SLC7A14: variants seen among roughly 807,000 people sequenced by gnomAD.
SLC7A14 encodes the protein gamma-aminobutyric acid transporter SLC7A14.
In SLC7A14, 37 loss-of-function variants were observed where a neutral mutation model predicts 60.2. The ratio of observed to expected loss-of-function variants is 0.61; its 90% CI spans 0.47 to 0.81. SLC7A14 has a LOEUF of 0.81. Among genes scored for constraint, SLC7A14 ranks in the 30% least tolerant of loss-of-function variants. The pLI is 0.00. For synonymous variants in SLC7A14, 399 were observed against 395.8 expected (o/e 1.01, Z -0.10); for missense variants, 886 against 982.7 (o/e 0.90, Z 1.32).
intron 3 of SLC7A14, among the ~76,000 whole-genome samples, chr3:170,499,725 G>A (rs1467012173): frequency 6.6e-6 from 1 of 152,158 alleles, no homozygotes; most frequent in Non-Finnish European, 1.5e-5. Context: ...CTGCCTGCTT[G>A]GTTTTGCCCA....
At chr3:170,504,341 G>A (rs1712703779) in intron 2 of SLC7A14, among the ~76,000 whole-genome samples, 2 of 151,764 alleles carry the variant, frequency 1.3e-5, no homozygotes, top group African/African-American at 4.8e-5. Flanking sequence ...AATTTTTTTA[G>A]ATGGAGTTTC....
chr3:170,572,801 A>T (rs1023776521), intron 1 of SLC7A14, among the ~76,000 whole-genome samples: 2 of 152,208 alleles, frequency 1.3e-5, no homozygotes, highest in Non-Finnish European at 2.9e-5. Context: ...CTGCATTGTG[A>T]TGCTGGAATA....
intron 7 of SLC7A14, among the ~76,000 whole-genome samples, chr3:170,479,827 C>T (rs919258186): frequency 9.2e-5 from 14 of 152,232 alleles, no homozygotes; most frequent in African/African-American, 3.1e-4. Flanking sequence ...ACTTAATTCA[C>T]ACCTTGTTCA....
At chr3:170,523,528 A>G (rs2108292085) in intron 2 of SLC7A14, among the ~76,000 whole-genome samples, 1 of 152,170 alleles carries the variant, frequency 6.6e-6, no homozygotes, top group African/African-American at 2.4e-5. Flanking sequence ...CTTTGAAAAC[A>G]CTCTTAACCC....
In SLC7A14 at chr3:170,464,827, C is replaced by T. The variant is rs780152344; in HGVS notation, c.*2228G>A. 6.6e-6 allele frequency: 1 copy of T among 152,180 alleles called. No homozygotes were observed. Among genetic ancestry groups the T allele is most frequent in the Non-Finnish European group, 1.5e-5 (1 of 68,034 alleles). The allele number at this position is 152,180 out of a possible 1,614,324, so 9.4% of individuals were successfully genotyped here. A position where few individuals can be genotyped will look rare whatever the true frequency, so the allele number is the denominator to read the frequency against. On this transcript the variant is annotated 3_prime_UTR_variant, in exon 8 of 8. Transcript: ENST00000231706. ...TAGTAAAAGGAAGCTCTTTCACCCA[C>T]GTTAAGATTTTGCCATTTTGCACTC...
At position 170,585,338 on chromosome 3, in the gene SLC7A14, G is replaced by T. The variant is rs973628647; in HGVS notation, c.-153+573C>A. Among the ~76,000 whole-genome samples, 1 of 152,184 alleles carries T rather than the reference G, an allele frequency of 6.6e-6. No homozygotes were observed. The highest frequency in any genetic ancestry group is 6.5e-5 in the Admixed American group (1 of 15,288). ...ACGCCCCTCGGGGCGCCACCATCCT[G>T]GTCGGGGTGCTGGGCTCGGCGGGAG... On this transcript the variant is annotated intron_variant, in intron 1 of 7. Transcript: ENST00000231706. The surrounding 1 kb of genome is among the most constrained non-coding windows in gnomAD (Gnocchi z 5.1).
At chr3:170,558,021 C>G (rs1364199581) in intron 1 of SLC7A14, among the ~76,000 whole-genome samples, 1 of 152,108 alleles carries the variant, frequency 6.6e-6, no homozygotes, top group Non-Finnish European at 1.5e-5. Context: ...AAAAGTCTGT[C>G]TGGTATACAG....
At chr3:170,557,840 G>A (rs1714531000) in intron 1 of SLC7A14, among the ~76,000 whole-genome samples, 1 of 152,186 alleles carries the variant, frequency 6.6e-6, no homozygotes, top group African/African-American at 2.4e-5. Flanking sequence ...GAGAGGCAAG[G>A]AACCCTGAAT....
intron 1 of SLC7A14, among the ~76,000 whole-genome samples, chr3:170,572,078 A>G (rs185848046): frequency 1.9e-4 from 29 of 149,828 alleles, no homozygotes; most frequent in East Asian, 3.9e-4. Context: ...AAAAAAAAAA[A>G]AAAGAAAGAA....
intron 2 of SLC7A14, among the ~76,000 whole-genome samples, chr3:170,515,040 C>T (rs560699247): frequency 3.2e-4 from 49 of 152,064 alleles, no homozygotes; most frequent in African/African-American, 6.5e-4. Flanking sequence ...GGGCTAAGCA[C>T]GGTGGCTCAT....
At chr3:170,559,952 G>A (rs1560280631) in intron 1 of SLC7A14, among the ~76,000 whole-genome samples, 1 of 152,224 alleles carries the variant, frequency 6.6e-6, no homozygotes, top group Non-Finnish European at 1.5e-5. Context: ...GAAGGACACA[G>A]CATTGCTGAA....
intron 7 of SLC7A14, among the ~76,000 whole-genome samples, chr3:170,470,258 G>A (rs1739851390): frequency 6.6e-6 from 1 of 151,164 alleles, no homozygotes; most frequent in South Asian, 2.1e-4. Flanking sequence ...GTAAACATGT[G>A]ATAAGAGGTT....
intron 4 of SLC7A14, among the ~76,000 whole-genome samples, chr3:170,497,920 A>G (rs73882022): frequency 0.033 from 4,988 of 152,330 alleles, 275 homozygotes; most frequent in African/African-American, 0.11. Context: ...AGACCACACC[A>G]GGTAAACCTG....
chr3:170,540,065 G>T (rs1052833881), intron 1 of SLC7A14, among the ~76,000 whole-genome samples: 4 of 152,098 alleles, frequency 2.6e-5, no homozygotes, highest in African/African-American at 9.7e-5. Flanking sequence ...CGGGGTGGGG[G>T]GTAGTACAGA....
chr3:170,513,627 A>G (rs1713056307), intron 2 of SLC7A14, among the ~76,000 whole-genome samples: 1 of 152,248 alleles, frequency 6.6e-6, no homozygotes. Flanking sequence ...TAAAATGTCT[A>G]TGTTGCATGT....
intron 2 of SLC7A14, among the ~76,000 whole-genome samples, chr3:170,513,008 G>A (rs1488360631): frequency 2.0e-5 from 3 of 152,128 alleles, no homozygotes; most frequent in Non-Finnish European, 2.9e-5. Flanking sequence ...TGACAAAGAT[G>A]GGGGTTATGG....
chr3:170,568,687 G>A (rs1462868543), intron 1 of SLC7A14, among the ~76,000 whole-genome samples: 1 of 152,094 alleles, frequency 6.6e-6, no homozygotes, highest in East Asian at 1.9e-4. Context: ...TTATTTCATT[G>A]AGCAGTGGTT....
In SLC7A14 at chr3:170,556,091, ACTAAAATATGGTTTAC is replaced by A. The variant is rs562094536; in HGVS notation, c.-152-29019_-152-29004del. 3.0e-3 allele frequency among the ~76,000 whole-genome samples: 455 copies of A among 152,332 alleles called. 3 individuals carry two copies. Among genetic ancestry groups the A allele is most frequent in the African/African-American group, 0.011 (437 of 41,576 alleles). ...TGGGTGTACCACAAATGTTGGTTGT[ACTAAAATATGGTTTAC>A]CTCCCTGGGCTTCAGTTTCTTCTTT... On this transcript the variant is annotated intron_variant, in intron 1 of 7. Transcript: ENST00000231706.
chr3:170,483,428 G>T lies in SLC7A14; in HGVS notation c.1001C>A (p.Ala334Asp), dbSNP rs1373986464. The T allele has an allele frequency of 6.2e-7, 1 of 1,614,198 alleles. No individual in the cohort carries two copies. Among genetic ancestry groups the T allele is most frequent in the East Asian group, 2.2e-5 (1 of 44,882 alleles). The change falls in exon 6 of 8, where the codon GCC becomes GAC. Residue 334 changes from alanine (A) to aspartate (D), a missense_variant. Transcript: ENST00000231706. ...CGACCCAATGGCCACTACGAATTTGGCAGCATAGAACCCATGAGCCACAAA... is the reference window on the plus strand; with the variant it reads ...CGACCCAATGGCCACTACGAATTTGTCAGCATAGAACCCATGAGCCACAAA... ...EMFVAHGFYA[A>D]KFVVAIGSVA...
Sources: gnomAD v4.1 joint callset for allele counts (sites outside exome capture counted in the v4.1 genomes callset) on GRCh38, gnomAD v4.1.1 for gene constraint, Gnocchi (gnomAD v3.1) non-coding constraint, MANE v1.5 for transcripts, NCBI Gene and HGNC (gene_info 2026-07-23, HGNC 2026-07-21) for gene names.